The following CDC23 variants were observed in gnomAD, a reference collection of about 807,000 sequenced individuals.
CDC23 encodes cell division cycle 23, also known as cell division cycle protein 23 homolog.
CDC23 carries 26 observed loss-of-function variants against 81.7 expected under a neutral mutation model. The observed-to-expected ratio is 0.32, with a 90% CI of 0.23 to 0.44. The LOEUF (loss-of-function observed/expected upper bound fraction) is 0.44, where lower values mean the gene tolerates loss of function less well. Among genes scored for constraint, CDC23 ranks in the 20% least tolerant of loss-of-function variants. The probability of loss-of-function intolerance (pLI) is 1.00; values close to 1 mark genes in which losing one functional copy is unlikely to be tolerated. For missense variants in CDC23, 519 were observed against 728.0 expected (o/e 0.71, Z 3.30); for synonymous variants, 267 against 270.8 (o/e 0.99, Z 0.14).
At chr5:138,191,647 A>C in intron 12 of CDC23, 112 bp from the exon 13 acceptor site, 3 of 1,113,176 alleles carry the variant, frequency 2.7e-6, no homozygotes, top group South Asian at 1.2e-5. Flanking sequence ...ATAGAATGCA[A>C]GACATTTTTA....
At chr5:138,202,002 A>T in intron 4 of CDC23, 111 bp downstream of exon 4, 1 of 742,700 alleles carries the variant, frequency 1.3e-6, no homozygotes, top group South Asian at 1.8e-5. Flanking sequence ...GGTGCTTTCC[A>T]ATTTGTAATG....
chr5:138,188,687 T>A lies in CDC23; in HGVS notation c.*291A>T. 4.2e-6 allele frequency: 1 copy of A among 240,658 alleles called. No homozygotes were observed. The highest frequency in any genetic ancestry group is 2.3e-5 in the African/African-American group (1 of 44,428). 14.9% of individuals were successfully genotyped at this position (240,658 alleles called of 1,614,324 possible). A position where few individuals can be genotyped will look rare whatever the true frequency, so the allele number is the denominator to read the frequency against. ...TGTGCTAAAGTGCTATAAAAGGGAC[T>A]TTCTTGGGGGCCAAAAAAAAAAAGC... is the stretch of plus-strand genomic sequence containing the variant. On this transcript the variant is annotated 3_prime_UTR_variant, in exon 16 of 16. Transcript: ENST00000394886.
At chr5:138,190,042 C>G in intron 13 of CDC23, 136 bp from the exon 14 acceptor site, 1 of 685,700 alleles carries the variant, frequency 1.5e-6, no homozygotes, top group Non-Finnish European at 2.6e-6. Flanking sequence ...ACTCTTGGAA[C>G]TAGAATAGTA....
At chr5:138,205,078 C>A (rs1334996927) in intron 3 of CDC23, among the ~76,000 whole-genome samples, 2 of 151,438 alleles carry the variant, frequency 1.3e-5, no homozygotes, top group Non-Finnish European at 2.9e-5. Flanking sequence ...CCACACCTGG[C>A]TAATTATTGT....
rs1389621163 is a variant in CDC23, at chr5:138,213,188, A to T, written c.125T>A (p.Leu42His). The T allele has an allele frequency of 3.1e-6, 5 of 1,614,064 alleles. No individual in the cohort carries two copies. The Admixed American group carries it at 5.0e-5, about 16-fold the overall frequency. Residue 42 changes from leucine to histidine, a missense_variant, in exon 1 of 16, where the codon CTT becomes CAT. Around this residue, in one of 4 missense-constraint regions of CDC23, gnomAD observed 126 missense variants for 116.2 expected, o/e 1.08. Transcript: ENST00000394886. Reference sequence around the variant, plus strand: ...GTGTAGTAGGCCCCGCTCCCGGGTAAGGCCCGCAATAAGCAGCAGTTGCTT... The same window carrying T: ...GTGTAGTAGGCCCCGCTCCCGGGTATGGCCCGCAATAAGCAGCAGTTGCTT... ...IKKQLLLIAG[L>H]TRERGLLHSS... is the part of the protein sequence containing the mutation.
intron 9 of CDC23, among the ~76,000 whole-genome samples, chr5:138,196,096 A>G (rs1018245648): frequency 6.6e-6 from 1 of 151,368 alleles, no homozygotes; most frequent in Admixed American, 6.6e-5. Context: ...TTTTTGTCAT[A>G]TCTAATGTTC....
chr5:138,205,595 TA>T (rs1418938859), intron 3 of CDC23, among the ~76,000 whole-genome samples: 1 of 150,684 alleles, frequency 6.6e-6, no homozygotes, highest in Non-Finnish European at 1.5e-5. Flanking sequence ...TTTTACAAGA[TA>T]AAAAATGTTC....
rs141647906 is a variant in CDC23, at chr5:138,203,499, A to G, written c.373-1344T>C. On this transcript the variant is annotated intron_variant, in intron 3 of 15. Coordinates refer to ENST00000394886, the MANE Select transcript of CDC23 (RefSeq NM_004661.4). ...GATTTATAAATTTCAAAAAAAGTCA[A>G]TGTCATAAAAGACAAATAAGGCTGT... 2.6e-5 allele frequency among the ~76,000 whole-genome samples: 4 copies of G among 152,368 alleles called. No individual in the cohort carries two copies. The East Asian group carries it at 7.7e-4, about 29-fold the overall frequency.
At chr5:138,194,105 A>G (rs148174682) in intron 9 of CDC23, among the ~76,000 whole-genome samples, 1 of 152,348 alleles carries the variant, frequency 6.6e-6, no homozygotes, top group Non-Finnish European at 1.5e-5. Flanking sequence ...ACTGGTGAAT[A>G]AACAAAATGT....
chr5:138,194,182 T>C (rs1269479422), intron 9 of CDC23, among the ~76,000 whole-genome samples: 1 of 152,080 alleles, frequency 6.6e-6, no homozygotes, highest in East Asian at 1.9e-4. Flanking sequence ...ACAATATGGA[T>C]GAACCTCAAA....
At chr5:138,198,381 T>C (rs765620800) in intron 8 of CDC23, 45 bp downstream of exon 8, 94 of 1,596,024 alleles carry the variant, frequency 5.9e-5, no homozygotes, top group East Asian at 2.0e-4. Flanking sequence ...CCCAGATTAG[T>C]GCACAAAAGA....
chr5:138,201,394 T>G lies in CDC23; in HGVS notation c.470A>C (p.Glu157Ala). ...KNEALRELRV[E>A]LSKKHQAREL... ...TCGAGCTTGGTGTTTTTTGCTGAGC[T>G]CCACTCTCAATTCTCTAAGCGCCTC... The change falls in exon 5 of 16, where the codon GAG becomes GCG. Residue 157 changes from glutamate to alanine, a missense_variant. Coordinates refer to ENST00000394886, the MANE Select transcript of CDC23 (RefSeq NM_004661.4). The G allele has an allele frequency of 1.9e-6, 3 of 1,614,192 alleles. No homozygotes were observed. The highest frequency in any genetic ancestry group is 2.5e-6 in the Non-Finnish European group (3 of 1,180,016).
intron 3 of CDC23, among the ~76,000 whole-genome samples, chr5:138,202,458 A>G (rs966868556): frequency 6.6e-6 from 1 of 152,046 alleles, no homozygotes; most frequent in South Asian, 2.1e-4. Flanking sequence ...TAATTTTTGT[A>G]TTTTTAGTTG....
intron 13 of CDC23, 183 bp from the exon 14 acceptor site, chr5:138,190,089 C>A (rs536347565): frequency 1.7e-6 from 1 of 600,846 alleles, no homozygotes; most frequent in African/African-American, 1.9e-5. Flanking sequence ...AGCTTAGAAT[C>A]ATTACTCTGC....
At chr5:138,194,140 C>T (rs528217332) in intron 9 of CDC23, among the ~76,000 whole-genome samples, 143 of 152,234 alleles carry the variant, frequency 9.4e-4, no homozygotes, top group African/African-American at 2.6e-3. Context: ...TGGAATACTA[C>T]TCAGCAATAA....
At chr5:138,199,125 TGAGTAGGACAAA>T (rs1216478771) in intron 6 of CDC23, among the ~76,000 whole-genome samples, 1 of 151,922 alleles carries the variant, frequency 6.6e-6, no homozygotes, top group African/African-American at 2.4e-5. Context: ...TGATTGTGAG[TGAGTAGGACAAA>T]GAAACTAGCT....
chr5:138,208,110 C>T (rs1755073272), intron 2 of CDC23, among the ~76,000 whole-genome samples: 1 of 151,794 alleles, frequency 6.6e-6, no homozygotes, highest in Non-Finnish European at 1.5e-5. Context: ...TACAGGTGCC[C>T]GCCACCATGC....
intron 3 of CDC23, 30 bp downstream of exon 3, chr5:138,206,517 G>A (rs1755051475): frequency 1.2e-6 from 2 of 1,613,028 alleles, no homozygotes; most frequent in African/African-American, 1.3e-5. Flanking sequence ...TTTCACTAAA[G>A]GCAGAATGAC....
chr5:138,190,039 G>C (rs894665163), intron 13 of CDC23, 133 bp from the exon 14 acceptor site: 11 of 693,566 alleles, frequency 1.6e-5, no homozygotes, highest in Admixed American at 2.5e-5. Context: ...GACACTCTTG[G>C]AACTAGAATA....
Sources: gnomAD v4.1 joint callset for allele counts (sites outside exome capture counted in the v4.1 genomes callset) on GRCh38, gnomAD v4.1.1 for gene constraint, gnomAD v4.1.1 regional missense constraint, MANE v1.5 for transcripts, NCBI Gene and HGNC (gene_info 2026-07-23, HGNC 2026-07-21) for gene names.